OXR1: variants seen among roughly 807,000 people sequenced by gnomAD.
The protein encoded by OXR1 is oxidation resistance protein 1.
Under a neutral mutation model 104.6 loss-of-function variants are expected in OXR1, and 41 were observed. That is an observed-to-expected ratio of 0.39 (90% CI 0.31 to 0.51). The LOEUF (loss-of-function observed/expected upper bound fraction) is 0.51. Among genes scored for constraint, OXR1 ranks in the 20% least tolerant of loss-of-function variants. The pLI is 0.77. For missense variants in OXR1, 955 were observed against 1,031.9 expected (o/e 0.93, Z 1.02); for synonymous variants, 348 against 348.4 (o/e 1.00, Z 0.01).
intron 3 of OXR1, among the ~76,000 whole-genome samples, chr8:106,572,089 T>C (rs1287147952): frequency 6.6e-6 from 1 of 152,204 alleles, no homozygotes; most frequent in Non-Finnish European, 1.5e-5. Context: ...CTCTTCCCCC[T>C]CTGCCTGTGA....
intron 1 of OXR1, among the ~76,000 whole-genome samples, chr8:106,277,508 A>C (rs1812098860): frequency 6.6e-6 from 1 of 152,194 alleles, no homozygotes; most frequent in Admixed American, 6.5e-5. Context: ...TTTTACTCTC[A>C]AGAATCATAA....
chr8:106,635,363 G>A (rs1474145902), intron 3 of OXR1, among the ~76,000 whole-genome samples: 1 of 152,094 alleles, frequency 6.6e-6, no homozygotes, highest in Admixed American at 6.6e-5. Flanking sequence ...CTATTTTTGA[G>A]TATATTATAG....
At chr8:106,497,465 C>G (rs1811490583) in intron 2 of OXR1, among the ~76,000 whole-genome samples, 1 of 152,074 alleles carries the variant, frequency 6.6e-6, no homozygotes, top group South Asian at 2.1e-4. Flanking sequence ...TTGCTTTCAT[C>G]TCAAAATAAA....
intron 3 of OXR1, among the ~76,000 whole-genome samples, chr8:106,638,255 C>T (rs536147109): frequency 2.0e-5 from 3 of 152,326 alleles, no homozygotes; most frequent in African/African-American, 7.2e-5. Flanking sequence ...AAGTTAACTA[C>T]ATATTCCCAA....
At chr8:106,290,091 G>C (rs1291955541) in intron 1 of OXR1, among the ~76,000 whole-genome samples, 2 of 152,084 alleles carry the variant, frequency 1.3e-5, no homozygotes, top group Non-Finnish European at 2.9e-5. Context: ...ATAGCAGTGT[G>C]AGAATGGACT....
chr8:106,515,347 C>A (rs759663250), intron 2 of OXR1, among the ~76,000 whole-genome samples: 1 of 152,024 alleles, frequency 6.6e-6, no homozygotes, highest in Non-Finnish European at 1.5e-5. Flanking sequence ...CAGCAGTTTT[C>A]GAAATACACT....
chr8:106,402,966 G>A (rs974208252), intron 2 of OXR1, among the ~76,000 whole-genome samples: 11 of 152,038 alleles, frequency 7.2e-5, no homozygotes, highest in East Asian at 1.9e-4. Context: ...GACTACAGGC[G>A]TCCACCACCA....
chr8:106,287,435 C>G (rs1563695747), intron 1 of OXR1, among the ~76,000 whole-genome samples: 1 of 152,008 alleles, frequency 6.6e-6, no homozygotes, highest in African/African-American at 2.4e-5. Context: ...ATTCAGTGAC[C>G]AGAAAACAGT....
At chr8:106,470,369 T>C (rs749359064) in intron 2 of OXR1, among the ~76,000 whole-genome samples, 8 of 151,796 alleles carry the variant, frequency 5.3e-5, no homozygotes, top group Non-Finnish European at 7.4e-5. Context: ...AGCTAAGTTT[T>C]GGTGGCAGAT....
At chr8:106,299,503 T>G (rs1464728056) in intron 1 of OXR1, among the ~76,000 whole-genome samples, 1 of 152,186 alleles carries the variant, frequency 6.6e-6, no homozygotes, top group Non-Finnish European at 1.5e-5. Flanking sequence ...AGAATGTAAT[T>G]GTACCCAGGG....
At chr8:106,704,106 A>T (rs991060995) in intron 8 of OXR1, among the ~76,000 whole-genome samples, 8 of 152,278 alleles carry the variant, frequency 5.3e-5, no homozygotes, top group African/African-American at 1.4e-4. Flanking sequence ...CACCCAACAG[A>T]TATTATTTTG....
chr8:106,679,642 A>G (rs1322252195), intron 4 of OXR1, among the ~76,000 whole-genome samples: 2 of 152,060 alleles, frequency 1.3e-5, no homozygotes, highest in African/African-American at 4.8e-5. Context: ...AGTGATAGTT[A>G]TAATGGCAGA....
intron 2 of OXR1, among the ~76,000 whole-genome samples, chr8:106,451,813 A>G (rs1052461066): frequency 5.9e-5 from 9 of 152,220 alleles, no homozygotes; most frequent in African/African-American, 2.2e-4. Flanking sequence ...TTTTTTTAAA[A>G]TAAGAATATT....
intron 11 of OXR1, among the ~76,000 whole-genome samples, chr8:106,718,908 T>G (rs1026604034): frequency 6.6e-6 from 1 of 151,714 alleles, no homozygotes; most frequent in Non-Finnish European, 1.5e-5. Context: ...AGAAAGCATG[T>G]TTTTAAACAA....
chr8:106,686,499 T>A (rs1587087907), intron 6 of OXR1, among the ~76,000 whole-genome samples: 1 of 152,240 alleles, frequency 6.6e-6, no homozygotes, highest in East Asian at 1.9e-4. Flanking sequence ...TCTGCATATC[T>A]CAAGTGCCTA....
chr8:106,309,333 T>C (rs1813600466), intron 1 of OXR1, among the ~76,000 whole-genome samples: 1 of 152,176 alleles, frequency 6.6e-6, no homozygotes, highest in African/African-American at 2.4e-5. Context: ...AATTCTGTAC[T>C]AATCATAGCA....
intron 1 of OXR1, among the ~76,000 whole-genome samples, chr8:106,280,389 A>G (rs1021873405): frequency 6.6e-6 from 1 of 152,146 alleles, no homozygotes; most frequent in Non-Finnish European, 1.5e-5. Context: ...TGGAGGCTGT[A>G]TGGGGAAAAT....
intron 3 of OXR1, among the ~76,000 whole-genome samples, chr8:106,626,040 C>A (rs1486985081): frequency 9.6e-6 from 1 of 104,288 alleles, no homozygotes; most frequent in African/African-American, 4.9e-5. Flanking sequence ...CTCTGTTCTG[C>A]GTTTTGTGTG....
intron 3 of OXR1, among the ~76,000 whole-genome samples, chr8:106,610,416 A>T (rs1820727007): frequency 1.3e-5 from 2 of 152,306 alleles, no homozygotes. Flanking sequence ...GATCTTGTTC[A>T]TGCTCTGCTT....
Sources: gnomAD v4.1 joint callset for allele counts (sites outside exome capture counted in the v4.1 genomes callset) on GRCh38, gnomAD v4.1.1 for gene constraint, MANE v1.5 for transcripts, NCBI Gene and HGNC (gene_info 2026-07-23, HGNC 2026-07-21) for gene names.